The following MYRIP variants were observed in gnomAD, a reference collection of about 807,000 sequenced individuals.
MYRIP encodes rab effector MyRIP.
MYRIP carries 49 observed loss-of-function variants against 98.0 expected under a neutral mutation model. The ratio of observed to expected loss-of-function variants is 0.50; its 90% CI spans 0.40 to 0.63. The LOEUF (loss-of-function observed/expected upper bound fraction) is 0.63. Ranked by LOEUF, MYRIP falls within the 30% of genes least tolerant of loss-of-function variation. The probability of loss-of-function intolerance (pLI) is 0.00; values close to 1 mark genes in which losing one functional copy is unlikely to be tolerated. For missense variants in MYRIP, 1,004 were observed against 1,058.2 expected, an observed-to-expected ratio of 0.95 and a Z score of 0.71; for synonymous variants, 404 against 409.5, an observed-to-expected ratio of 0.99 and a Z score of 0.16.
chr3:39,992,214 T>C (rs560101801), intron 2 of MYRIP, among the ~76,000 whole-genome samples: 1 of 152,280 alleles, frequency 6.6e-6, no homozygotes, highest in Admixed American at 6.5e-5. Flanking sequence ...GACCCATTTA[T>C]CAAGCCTCTC....
chr3:40,141,597 G>A lies in MYRIP; in HGVS notation c.333-9451G>A, dbSNP rs548501498. Among the ~76,000 whole-genome samples the A allele has an allele frequency of 3.9e-5, 6 of 152,108 alleles. No homozygotes were observed. In the South Asian group the frequency reaches 1.2e-3, roughly 32 times the overall value. ...CTTTAGGTCTCATGTTTAGTTCATTGATCCCTTTTGAGATGATTTTTGTGT... is the reference window on the plus strand; with the variant it reads ...CTTTAGGTCTCATGTTTAGTTCATTAATCCCTTTTGAGATGATTTTTGTGT... On this transcript the variant is annotated intron_variant, in intron 3 of 16. Transcript: ENST00000302541.
chr3:39,855,849 C>T (rs1942272495), intron 1 of MYRIP, among the ~76,000 whole-genome samples: 1 of 152,138 alleles, frequency 6.6e-6, no homozygotes, highest in Admixed American at 6.5e-5. Flanking sequence ...AGACTCTGCT[C>T]AAGAAAATTT....
At chr3:39,858,287 G>A (rs1481423323) in intron 1 of MYRIP, among the ~76,000 whole-genome samples, 1 of 152,010 alleles carries the variant, frequency 6.6e-6, no homozygotes, top group Non-Finnish European at 1.5e-5. Flanking sequence ...AAGCAAAATG[G>A]CCCCAAGAGA....
chr3:39,884,806 A>ATTTTT (rs10662369), intron 1 of MYRIP, among the ~76,000 whole-genome samples: 12 of 137,338 alleles, frequency 8.7e-5, no homozygotes, highest in African/African-American at 3.3e-4. Context: ...TACAGTCATT[A>ATTTTT]TTATTTTTTT....
At chr3:40,011,193 C>A (rs770633025) in intron 2 of MYRIP, among the ~76,000 whole-genome samples, 71 of 152,180 alleles carry the variant, frequency 4.7e-4, no homozygotes, top group Non-Finnish European at 8.8e-4. Flanking sequence ...TCCCTCTAAG[C>A]ATCCTATGCC....
intron 16 of MYRIP, among the ~76,000 whole-genome samples, chr3:40,254,590 A>G (rs1217860427): frequency 6.6e-6 from 1 of 152,148 alleles, no homozygotes; most frequent in Non-Finnish European, 1.5e-5. Flanking sequence ...GGAGCTCACT[A>G]GGAATTTCCA....
intron 3 of MYRIP, among the ~76,000 whole-genome samples, chr3:40,069,043 T>C (rs769873227): frequency 6.6e-5 from 10 of 152,162 alleles, no homozygotes; most frequent in Non-Finnish European, 1.2e-4. Context: ...GCTTGCCCTG[T>C]GTTTCTAAAT....
rs561995561 is a variant in MYRIP, at chr3:40,258,867, T to C, written c.*701T>C. On this transcript the variant is annotated 3_prime_UTR_variant, in exon 17 of 17. Transcript: ENST00000302541. The stretch of plus-strand genomic sequence containing the variant: ...GCCCAGGGCTATCTGAAACAATGTC[T>C]CATTAAGAATTTAGGGTTCTTCCAT... 29 of 152,482 alleles carry C rather than the reference T, an allele frequency of 1.9e-4. No homozygotes were observed. Among genetic ancestry groups the C allele is most frequent in the African/African-American group, 6.7e-4 (28 of 41,568 alleles). 9.4% of individuals were successfully genotyped at this position (152,482 alleles called of 1,614,324 possible).
chr3:40,129,722 G>A (rs1949600746), intron 3 of MYRIP, among the ~76,000 whole-genome samples: 1 of 152,168 alleles, frequency 6.6e-6, no homozygotes, highest in South Asian at 2.1e-4. Flanking sequence ...CTGTGTTGGG[G>A]AGGAAGGCCT....
At chr3:40,086,799 T>C (rs1448909605) in intron 3 of MYRIP, among the ~76,000 whole-genome samples, 3 of 151,994 alleles carry the variant, frequency 2.0e-5, no homozygotes, top group Non-Finnish European at 4.4e-5. Context: ...GAATGGTGGG[T>C]GCTCCCAATT....
At chr3:40,062,485 TATAA>T (rs1559384772) in intron 3 of MYRIP, among the ~76,000 whole-genome samples, 1 of 152,206 alleles carries the variant, frequency 6.6e-6, no homozygotes, top group East Asian at 1.9e-4. Flanking sequence ...AAAAGATTAG[TATAA>T]ATATTGTATC....
intron 1 of MYRIP, among the ~76,000 whole-genome samples, chr3:39,884,478 C>T (rs533190846): frequency 1.3e-5 from 2 of 152,134 alleles, no homozygotes; most frequent in African/African-American, 4.8e-5. Context: ...AGCAGATTAC[C>T]CTCCACAATG....
At chr3:40,122,237 T>C (rs1468744261) in intron 3 of MYRIP, among the ~76,000 whole-genome samples, 1 of 151,258 alleles carries the variant, frequency 6.6e-6, no homozygotes, top group African/African-American at 2.4e-5. Context: ...TGAAAGTAAA[T>C]GAAAAAGAAA....
intron 11 of MYRIP, among the ~76,000 whole-genome samples, chr3:40,219,163 A>G (rs1952245154): frequency 6.6e-6 from 1 of 152,216 alleles, no homozygotes; most frequent in African/African-American, 2.4e-5. Context: ...ACTACATACA[A>G]GAATAAATTC....
chr3:40,213,609 AAC>A (rs71618924), intron 11 of MYRIP, among the ~76,000 whole-genome samples: 7 of 42,848 alleles, frequency 1.6e-4, no homozygotes, highest in Admixed American at 3.5e-4. Flanking sequence ...TAGTCTGAGC[AAC>A]ACACACACAC....
At chr3:40,026,673 C>T (rs867125791) in intron 2 of MYRIP, among the ~76,000 whole-genome samples, 1 of 152,208 alleles carries the variant, frequency 6.6e-6, no homozygotes, top group Non-Finnish European at 1.5e-5. Flanking sequence ...TGCTTCCTCA[C>T]TTCACATTCA....
chr3:40,253,321 G>A (rs1269786531), intron 16 of MYRIP, among the ~76,000 whole-genome samples: 4 of 152,162 alleles, frequency 2.6e-5, no homozygotes, highest in Non-Finnish European at 4.4e-5. Context: ...ACCGTGCAAA[G>A]GTAGCATAAT....
At chr3:40,025,074 G>C (rs576627152) in intron 2 of MYRIP, among the ~76,000 whole-genome samples, 17 of 152,288 alleles carry the variant, frequency 1.1e-4, no homozygotes, top group African/African-American at 3.8e-4. Context: ...GAAGAACAGA[G>C]CTGGAGCCCT....
chr3:39,829,092 C>T (rs530560395), intron 1 of MYRIP, among the ~76,000 whole-genome samples: 12 of 152,298 alleles, frequency 7.9e-5, no homozygotes, highest in African/African-American at 2.9e-4. Flanking sequence ...ACATTCCCAC[C>T]AGCAGTGTAG....
Sources: allele counts gnomAD v4.1 joint callset (sites outside exome capture counted in the v4.1 genomes callset), GRCh38; gene constraint gnomAD v4.1.1; transcripts MANE v1.5; gene names NCBI Gene and HGNC (gene_info 2026-07-23, HGNC 2026-07-21).